MYBPC1: variants seen among roughly 807,000 people sequenced by gnomAD.
MYBPC1 encodes myosin binding protein C1, also known as myosin-binding protein C, slow-type.
In MYBPC1, 52 loss-of-function variants were observed where a neutral mutation model predicts 147.1. That is an observed-to-expected ratio of 0.35 (90% CI 0.28 to 0.45). The LOEUF (loss-of-function observed/expected upper bound fraction) is 0.45. MYBPC1 is among the 20% of genes least tolerant of loss of function. The pLI is 1.00. For synonymous variants in MYBPC1, 477 were observed against 475.9 expected (o/e 1.00, Z -0.03); for missense variants, 1,228 against 1,440.3 (o/e 0.85, Z 2.39).
intron 1 of MYBPC1, among the ~76,000 whole-genome samples, chr12:101,604,141 C>T (rs1290043038): frequency 1.3e-5 from 2 of 152,140 alleles, no homozygotes; most frequent in Non-Finnish European, 2.9e-5. Flanking sequence ...GAAGGCAAGT[C>T]CTCAGATCTT....
Position 101,685,811 on chromosome 12 carries a change from G to C in MYBPC1, c.*249G>C. 1 of 358,400 alleles carries C rather than the reference G, an allele frequency of 2.8e-6. No homozygotes were observed. The allele number at this position is 358,400 out of a possible 1,614,324, so 22.2% of individuals were successfully genotyped here. ...TTTTCTTTCCTCCTAATGTTGAAGA[G>C]AAAAAAAAAAAAAAAAGTTTGCCCA... On this transcript the variant is annotated 3_prime_UTR_variant, in exon 32 of 32. Coordinates refer to ENST00000361466, the MANE Select transcript of MYBPC1 (RefSeq NM_002465.4).
At chr12:101,646,932 T>G in intron 13 of MYBPC1, 45 bp downstream of exon 13, 1 of 1,610,054 alleles carries the variant, frequency 6.2e-7, no homozygotes, top group South Asian at 1.1e-5. Flanking sequence ...GCTGTTGGCT[T>G]CTTCTCCCAG....
chr12:101,646,071 T>C (rs1893043606), intron 12 of MYBPC1, among the ~76,000 whole-genome samples: 1 of 152,204 alleles, frequency 6.6e-6, no homozygotes, highest in African/African-American at 2.4e-5. Context: ...TCTACCCACC[T>C]ATAAAGTACA....
intron 2 of MYBPC1, chr12:101,614,766 T>C: frequency 1.7e-6 from 1 of 581,642 alleles, no homozygotes; most frequent in Non-Finnish European, 3.1e-6. Context: ...AGGGGGACAA[T>C]TCTTATGAAA....
At chr12:101,624,196 A>G (rs825067) in intron 3 of MYBPC1, among the ~76,000 whole-genome samples, 72,566 of 151,838 alleles carry the variant, frequency 0.48, 17,881 homozygotes, top group East Asian at 0.67. Flanking sequence ...ATGACCCAGT[A>G]AATCACCTCT....
chr12:101,670,215 A>G (rs1007549394), intron 23 of MYBPC1, 106 bp from the exon 24 acceptor site: 42 of 882,234 alleles, frequency 4.8e-5, no homozygotes, highest in Middle Eastern at 2.2e-4. Flanking sequence ...TATTGCAGAG[A>G]TATGCCACAA....
At chr12:101,646,516 G>C (rs529699707) in intron 12 of MYBPC1, among the ~76,000 whole-genome samples, 1 of 152,124 alleles carries the variant, frequency 6.6e-6, no homozygotes, top group African/African-American at 2.4e-5. Flanking sequence ...CCCCACACCT[G>C]TGGTCCCGGC....
At position 101,629,436 on chromosome 12, in the gene MYBPC1, T is replaced by A. The variant is rs1889354297; in HGVS notation, c.181T>A (p.Trp61Arg). The change falls in exon 6 of 32, where the codon TGG becomes AGG. Residue 61 changes from tryptophan to arginine, a missense_variant and splice_region_variant. By Grantham distance (101) the Trp-to-Arg change is moderately radical. Transcript: ENST00000361466. ...SRALERKDSD[W>R]TLVETPPGEE... ...TTTTCCTCCTTTCTGCTCATCAGACTGGACCCTTGTCGAAACTCCTCCTGG... is the reference window on the plus strand; with the variant it reads ...TTTTCCTCCTTTCTGCTCATCAGACAGGACCCTTGTCGAAACTCCTCCTGG... 1 of 1,603,332 alleles carries A rather than the reference T, an allele frequency of 6.2e-7. No individual in the cohort carries two copies. The highest frequency in any genetic ancestry group is 8.5e-7 in the Non-Finnish European group (1 of 1,170,356).
At chr12:101,598,175 A>G (rs569411296) in intron 1 of MYBPC1, among the ~76,000 whole-genome samples, 142 of 151,644 alleles carry the variant, frequency 9.4e-4, no homozygotes, top group African/African-American at 3.2e-3. Flanking sequence ...GCCCACCAAC[A>G]CGCCCAGCTA....
chr12:101,603,180 AC>A (rs138180993), intron 1 of MYBPC1, among the ~76,000 whole-genome samples: 4,608 of 152,024 alleles, frequency 0.03, 253 homozygotes, highest in East Asian at 0.25. Flanking sequence ...CCCCATCTCT[AC>A]TAAAAATACA....
chr12:101,617,326 C>G lies in MYBPC1; in HGVS notation c.103+83C>G, dbSNP rs558856389. ...GTCAGTAATGATTGTCATGGTGGCT[C>G]CATAGAATTTCTCTGCATTATCTTT... is the stretch of plus-strand genomic sequence containing the variant. On this transcript the variant is annotated intron_variant, in intron 3 of 31. Coordinates refer to ENST00000361466, the MANE Select transcript of MYBPC1 (RefSeq NM_002465.4). 5.7e-6 allele frequency: 8 copies of G among 1,415,020 alleles called. No individual in the cohort carries two copies. In the East Asian group the frequency reaches 1.6e-4, roughly 29 times the overall value. 87.7% of individuals were successfully genotyped at this position (1,415,020 alleles called of 1,614,324 possible). A position where few individuals can be genotyped will look rare whatever the true frequency, so the allele number is the denominator to read the frequency against.
chr12:101,616,519 G>A (rs1593693733), intron 2 of MYBPC1, among the ~76,000 whole-genome samples: 2 of 151,880 alleles, frequency 1.3e-5, no homozygotes, highest in Admixed American at 6.6e-5. Flanking sequence ...TCATCAGTCC[G>A]AAAAAAGAGA....
At chr12:101,677,938 T>C (rs949871596) in intron 27 of MYBPC1, among the ~76,000 whole-genome samples, 164 bp from the exon 28 acceptor site, 2 of 152,254 alleles carry the variant, frequency 1.3e-5, no homozygotes, top group African/African-American at 2.4e-5. Context: ...TGATTGGCTA[T>C]ACGTTTATAC....
chr12:101,624,947 A>G lies in MYBPC1; in HGVS notation c.104-1925A>G, dbSNP rs186022663. ...TTGCTAAAATGCAGAAGGGATGGGT[A>G]GTGTTTCTTGCTTCTCATGATGAAT... On this transcript the variant is annotated intron_variant, in intron 3 of 31. Transcript: ENST00000361466. 6.6e-5 allele frequency among the ~76,000 whole-genome samples: 10 copies of G among 152,188 alleles called. No homozygotes were observed. In the East Asian group the frequency reaches 1.9e-3, roughly 29 times the overall value.
At chr12:101,605,938 T>C (rs552599166) in intron 1 of MYBPC1, among the ~76,000 whole-genome samples, 20 of 152,068 alleles carry the variant, frequency 1.3e-4, no homozygotes, top group Non-Finnish European at 2.5e-4. Flanking sequence ...CTTATGCCTG[T>C]AATCCAAGCA....
chr12:101,644,524 A>G, intron 11 of MYBPC1, 140 bp from the exon 12 acceptor site: 1 of 749,210 alleles, frequency 1.3e-6, no homozygotes, highest in Non-Finnish European at 2.3e-6. Flanking sequence ...AATATAAAGG[A>G]TAATTTGGAA....
intron 1 of MYBPC1, among the ~76,000 whole-genome samples, chr12:101,600,145 G>A (rs1011352448): frequency 2.0e-5 from 3 of 152,192 alleles, no homozygotes; most frequent in African/African-American, 7.2e-5. Context: ...AAACAGTGAA[G>A]TCAGGAGTAA....
chr12:101,599,933 T>A (rs1879173554), intron 1 of MYBPC1, among the ~76,000 whole-genome samples: 1 of 152,198 alleles, frequency 6.6e-6, no homozygotes, highest in Non-Finnish European at 1.5e-5. Context: ...GCTTAATACT[T>A]GGCAGAATCC....
intron 23 of MYBPC1, among the ~76,000 whole-genome samples, 171 bp downstream of exon 23, chr12:101,668,070 G>T (rs568359710): frequency 6.6e-6 from 1 of 151,964 alleles, no homozygotes; most frequent in African/African-American, 2.4e-5. Flanking sequence ...CTCTCTTCAG[G>T]CAATGTGGGA....
Sources: gnomAD v4.1 joint callset for allele counts (sites outside exome capture counted in the v4.1 genomes callset) on GRCh38, gnomAD v4.1.1 for gene constraint, MANE v1.5 for transcripts, NCBI Gene and HGNC (gene_info 2026-07-23, HGNC 2026-07-21) for gene names.